The following MCC variants were observed in gnomAD, a reference collection of about 807,000 sequenced individuals.
MCC encodes the protein colorectal mutant cancer protein.
In MCC, 90 loss-of-function variants were observed where a neutral mutation model predicts 116.2. The observed-to-expected ratio is 0.77, with a 90% confidence interval of 0.65 to 0.92. MCC has a LOEUF of 0.92. Among genes scored for constraint, MCC ranks in the 40% least tolerant of loss-of-function variants. MCC has a pLI of 0.00. For synonymous variants in MCC, 578 were observed against 510.5 expected, an observed-to-expected ratio of 1.13 and a Z score of -1.78; for missense variants, 1,516 against 1,312.2, an observed-to-expected ratio of 1.16 and a Z score of -2.40.
Position 113,488,313 on chromosome 5 carries a change from G to C in MCC, c.102C>G (p.Thr34=). 6.3e-7 allele frequency: 1 copy of C among 1,575,928 alleles called. No individual in the cohort carries two copies. Among genetic ancestry groups the C allele is most frequent in the Middle Eastern group, 1.7e-4 (1 of 5,968 alleles). ...SSSSSSDTSS[T]GEEERMRRLF... ...GGCGCCGCATCCTCTCCTCCTCGCC[G>C]GTGCTGGACGTGTCGCTGCTGCTGC... The change falls in exon 1 of 19, where the codon ACC becomes ACG. Residue 34 remains threonine (T), a synonymous_variant. Coordinates refer to ENST00000408903, the MANE Select transcript of MCC (RefSeq NM_001085377.2).
intron 3 of MCC, among the ~76,000 whole-genome samples, chr5:113,290,146 A>G (rs1766426317): frequency 6.6e-6 from 1 of 152,264 alleles, no homozygotes; most frequent in Non-Finnish European, 1.5e-5. Flanking sequence ...TAGAGCATCA[A>G]CGAAGAGGTG....
At chr5:113,235,187 A>G (rs1390635902) in intron 3 of MCC, among the ~76,000 whole-genome samples, 1 of 152,220 alleles carries the variant, frequency 6.6e-6, no homozygotes, top group Non-Finnish European at 1.5e-5. Context: ...TAAAAAATCA[A>G]TTGAGAGAAC....
chr5:113,022,775 A>G lies in MCC; in HGVS notation c.*4527T>C, dbSNP rs1750237052. The G allele has an allele frequency of 6.6e-6, 1 of 152,220 alleles. No individual in the cohort carries two copies. The highest frequency in any genetic ancestry group is 6.5e-5 in the Admixed American group (1 of 15,280). 9.4% of individuals were successfully genotyped at this position (152,220 alleles called of 1,614,324 possible). ...ACTTGCTTTGTTCTGCTGAGCTGAT[A>G]TTTCACCTGATTAGCAGATGGATGA... On this transcript the variant is annotated 3_prime_UTR_variant, in exon 19 of 19. Coordinates refer to ENST00000408903, the MANE Select transcript of MCC (RefSeq NM_001085377.2).
chr5:113,121,087 G>A (rs916888249), intron 6 of MCC, among the ~76,000 whole-genome samples: 3 of 152,126 alleles, frequency 2.0e-5, no homozygotes, highest in African/African-American at 7.2e-5. Context: ...CCTTCAATCG[G>A]TTTCCAATCC....
At chr5:113,454,153 T>C (rs987286082) in intron 1 of MCC, among the ~76,000 whole-genome samples, 1 of 152,118 alleles carries the variant, frequency 6.6e-6, no homozygotes, top group Non-Finnish European at 1.5e-5. Flanking sequence ...TTAAAAATAT[T>C]TGAAAAAATC....
intron 3 of MCC, among the ~76,000 whole-genome samples, chr5:113,282,477 C>T (rs766395388): frequency 1.3e-5 from 2 of 152,120 alleles, no homozygotes; most frequent in African/African-American, 2.4e-5. Flanking sequence ...TCAATCCTAC[C>T]AAAAGGCATA....
chr5:113,427,449 A>C (rs1770514356), intron 1 of MCC, among the ~76,000 whole-genome samples: 1 of 152,228 alleles, frequency 6.6e-6, no homozygotes, highest in African/African-American at 2.4e-5. Context: ...GGATCAGTAC[A>C]GGAAACAAAA....
intron 3 of MCC, chr5:113,323,124 T>C (rs1407192688): frequency 6.6e-6 from 1 of 152,344 alleles, no homozygotes; most frequent in Non-Finnish European, 1.5e-5. Context: ...GGTGTTTCAA[T>C]AGGCCACTTT....
At chr5:113,288,117 T>C (rs923790989) in intron 3 of MCC, among the ~76,000 whole-genome samples, 3 of 152,248 alleles carry the variant, frequency 2.0e-5, no homozygotes, top group African/African-American at 7.2e-5. Context: ...AGGACCTCAA[T>C]GTCATGTTCA....
chr5:113,425,824 G>C (rs1770466307), intron 1 of MCC, among the ~76,000 whole-genome samples: 1 of 152,026 alleles, frequency 6.6e-6, no homozygotes. Context: ...GACTTCTTAA[G>C]CCATGTATAA....
chr5:113,100,464 CTTTTT>C (rs10649958), intron 8 of MCC, among the ~76,000 whole-genome samples: 21 of 78,844 alleles, frequency 2.7e-4, no homozygotes, highest in African/African-American at 6.5e-4. Context: ...GTATTTTTCC[CTTTTT>C]TTTTTTTTTT....
At chr5:113,375,274 C>A (rs1032128280) in intron 2 of MCC, among the ~76,000 whole-genome samples, 1 of 152,090 alleles carries the variant, frequency 6.6e-6, no homozygotes, top group African/African-American at 2.4e-5. Flanking sequence ...TGGTTTCTGA[C>A]AATGATTCTC....
intron 3 of MCC, among the ~76,000 whole-genome samples, chr5:113,209,989 T>C (rs527779496): frequency 1.3e-5 from 2 of 152,324 alleles, no homozygotes; most frequent in African/African-American, 2.4e-5. Flanking sequence ...AGTGATAAGA[T>C]TGGTATGATA....
intron 2 of MCC, among the ~76,000 whole-genome samples, chr5:113,374,863 A>G (rs1351099911): frequency 6.6e-6 from 1 of 151,896 alleles, no homozygotes; most frequent in Non-Finnish European, 1.5e-5. Flanking sequence ...ATGGTGGTGC[A>G]CGCCTGTGGT....
At chr5:113,441,638 A>G (rs1468754083) in intron 1 of MCC, among the ~76,000 whole-genome samples, 2 of 152,118 alleles carry the variant, frequency 1.3e-5, no homozygotes, top group Non-Finnish European at 2.9e-5. Context: ...TTCTCCTAAT[A>G]CTATCCCCTC....
chr5:113,416,150 G>A lies in MCC; in HGVS notation c.171-30938C>T, dbSNP rs146598567. 1.1e-3 allele frequency among the ~76,000 whole-genome samples: 173 copies of A among 152,296 alleles called. 1 individual carries two copies. Among genetic ancestry groups the A allele is most frequent in the African/African-American group, 3.6e-3 (151 of 41,562 alleles). On this transcript the variant is annotated intron_variant, in intron 1 of 18. Transcript: ENST00000408903. ...CCCGTCTTCTGCATTGATCACGCTGGGAGGTGCAGACCAGAGCTGTTCCTA... is the reference window on the plus strand; with the variant it reads ...CCCGTCTTCTGCATTGATCACGCTGAGAGGTGCAGACCAGAGCTGTTCCTA...
chr5:113,136,470 G>A (rs1367006543), intron 5 of MCC, among the ~76,000 whole-genome samples: 5 of 152,014 alleles, frequency 3.3e-5, no homozygotes, highest in Admixed American at 6.5e-5. Flanking sequence ...TTGAGTAATC[G>A]TAGCTCTCCT....
chr5:113,457,094 G>A (rs1771579711), intron 1 of MCC, among the ~76,000 whole-genome samples: 1 of 152,202 alleles, frequency 6.6e-6, no homozygotes, highest in African/African-American at 2.4e-5. Context: ...GCCCCTTTCT[G>A]GGCTGGCCAA....
chr5:113,049,043 ACT>A (rs1195805380), intron 16 of MCC, 48 bp downstream of exon 16: 1 of 1,573,332 alleles, frequency 6.4e-7, no homozygotes, highest in Non-Finnish European at 8.7e-7. Flanking sequence ...CTGGGCAGTC[ACT>A]GGGCAGTCAC....
Sources: gnomAD v4.1 joint callset for allele counts (sites outside exome capture counted in the v4.1 genomes callset) on GRCh38, gnomAD v4.1.1 for gene constraint, MANE v1.5 for transcripts, NCBI Gene and HGNC (gene_info 2026-07-23, HGNC 2026-07-21) for gene names.